HMCN1: variants seen among roughly 807,000 people sequenced by gnomAD.
HMCN1 encodes hemicentin-1.
A neutral mutation model predicts 625.9 loss-of-function variants in HMCN1; 321 were observed. The ratio of observed to expected loss-of-function variants is 0.51; its 90% CI spans 0.47 to 0.56. The LOEUF (loss-of-function observed/expected upper bound fraction) is 0.56. Ranked by LOEUF, HMCN1 falls within the 20% of genes least tolerant of loss-of-function variation. HMCN1 has a pLI of 0.00. For missense variants in HMCN1, 6,588 were observed against 6,887.3 expected, an observed-to-expected ratio of 0.96 and a Z score of 1.54; for synonymous variants, 2,425 against 2,417.6, an observed-to-expected ratio of 1.00 and a Z score of -0.09.
chr1:186,039,539 C>T (rs1335561554), intron 38 of HMCN1, among the ~76,000 whole-genome samples, 189 bp from the exon 39 acceptor site: 1 of 152,112 alleles, frequency 6.6e-6, no homozygotes, highest in African/African-American at 2.4e-5. Flanking sequence ...GAAATTGATA[C>T]TTGCTCTGTT....
At chr1:186,172,397 A>C (rs138754360) in intron 102 of HMCN1, among the ~76,000 whole-genome samples, 36 of 152,316 alleles carry the variant, frequency 2.4e-4, no homozygotes, top group African/African-American at 8.7e-4. Context: ...TAATATCCAC[A>C]AGCATTAATA....
chr1:186,058,952 G>T (rs998765407), intron 46 of HMCN1, among the ~76,000 whole-genome samples: 2 of 152,026 alleles, frequency 1.3e-5, no homozygotes, highest in East Asian at 3.9e-4. Context: ...CTATATTTAT[G>T]ACCTCAGACT....
In HMCN1 at chr1:186,166,884, C is replaced by T; in HGVS notation, c.15516C>T (p.Arg5172=). Residue 5172 remains arginine, a synonymous_variant, in exon 100 of 107, where the codon CGC becomes CGT. Transcript: ENST00000271588. The part of the protein sequence containing the change: ...QDCDNTIGSY[R]CVVRCGSGFR... ...GTGACAATACGATTGGATCTTATCG[C>T]TGTGTGGTCCGTTGTGGAAGTGGCT... 6.2e-7 allele frequency: 1 copy of T among 1,614,138 alleles called. No homozygotes were observed. The highest frequency in any genetic ancestry group is 1.3e-5 in the African/African-American group (1 of 75,028).
At chr1:186,139,512 TTTTTC>T (rs1293780422) in intron 89 of HMCN1, among the ~76,000 whole-genome samples, 2 of 152,230 alleles carry the variant, frequency 1.3e-5, no homozygotes, top group East Asian at 1.9e-4. Context: ...AAAAGCCAGT[TTTTTC>T]TTTTCATGTT....
intron 11 of HMCN1, among the ~76,000 whole-genome samples, chr1:185,943,234 T>G (rs1365752058): frequency 2.6e-5 from 4 of 152,138 alleles, no homozygotes; most frequent in Non-Finnish European, 5.9e-5. Flanking sequence ...TTGTGGGAAC[T>G]CTTGATTTAC....
chr1:185,912,396 A>G (rs10465495), intron 6 of HMCN1, among the ~76,000 whole-genome samples: 17,700 of 152,130 alleles, frequency 0.12, 3,507 homozygotes, highest in African/African-American at 0.4. Flanking sequence ...CGTGGTATTT[A>G]TATCCTAAAC....
At chr1:186,066,258 A>C (rs1321041401) in intron 49 of HMCN1, among the ~76,000 whole-genome samples, 2 of 152,166 alleles carry the variant, frequency 1.3e-5, no homozygotes, top group African/African-American at 4.8e-5. Context: ...ATTGACATAC[A>C]GTATCTGGTA....
At chr1:186,000,869 C>G (rs1159801195) in intron 26 of HMCN1, among the ~76,000 whole-genome samples, 1 of 151,754 alleles carries the variant, frequency 6.6e-6, no homozygotes, top group Non-Finnish European at 1.5e-5. Context: ...AATGAAAATA[C>G]TGTATATATG....
intron 30 of HMCN1, among the ~76,000 whole-genome samples, chr1:186,014,473 C>G (rs893882686): frequency 1.3e-5 from 2 of 151,782 alleles, no homozygotes; most frequent in Admixed American, 6.6e-5. Context: ...AAAATTGTTG[C>G]AATGATAGCA....
chr1:185,863,818 A>C (rs1663016203), intron 2 of HMCN1, among the ~76,000 whole-genome samples: 1 of 152,244 alleles, frequency 6.6e-6, no homozygotes, highest in Non-Finnish European at 1.5e-5. Context: ...AAAGAATGAC[A>C]AACAGAATGC....
intron 4 of HMCN1, 41 bp from the exon 5 acceptor site, chr1:185,909,296 T>A (rs755237540): frequency 6.6e-7 from 1 of 1,518,842 alleles, no homozygotes; most frequent in Non-Finnish European, 9.1e-7. Context: ...AAACTGCGAA[T>A]GTTTTCTGAT....
chr1:185,817,869 T>C (rs957396483), intron 1 of HMCN1, among the ~76,000 whole-genome samples: 1 of 152,116 alleles, frequency 6.6e-6, no homozygotes, highest in African/African-American at 2.4e-5. Context: ...TCTCAGAAGA[T>C]AGAAGGCAAT....
At chr1:185,774,529 T>G (rs1656465402) in intron 1 of HMCN1, among the ~76,000 whole-genome samples, 1 of 152,188 alleles carries the variant, frequency 6.6e-6, no homozygotes, top group Admixed American at 6.6e-5. Context: ...TAACTGCTTT[T>G]AGGCAATGGA....
chr1:186,178,860 T>G, intron 104 of HMCN1, 94 bp downstream of exon 104: 1 of 888,644 alleles, frequency 1.1e-6, no homozygotes, highest in Non-Finnish European at 1.9e-6. Flanking sequence ...TGCAGTGAAC[T>G]ACATCTGATC....
chr1:186,086,821 T>C (rs1659518574), intron 58 of HMCN1, among the ~76,000 whole-genome samples: 2 of 20,570 alleles, frequency 9.7e-5, no homozygotes, highest in Non-Finnish European at 2.1e-4. Context: ...AGATGATAGA[T>C]AGATAGATAG....
intron 50 of HMCN1, among the ~76,000 whole-genome samples, chr1:186,068,678 T>C (rs1658287230): frequency 6.6e-6 from 1 of 151,834 alleles, no homozygotes; most frequent in Admixed American, 6.6e-5. Flanking sequence ...CCATCCTGGC[T>C]AACACAGTGA....
intron 30 of HMCN1, among the ~76,000 whole-genome samples, chr1:186,012,024 A>T (rs765793982): frequency 5.9e-5 from 9 of 152,192 alleles, no homozygotes; most frequent in Non-Finnish European, 1.2e-4. Context: ...CAGTCAGGAT[A>T]TTCAGTTTGA....
chr1:185,947,114 C>A (rs1014840845), intron 11 of HMCN1, among the ~76,000 whole-genome samples: 5 of 152,078 alleles, frequency 3.3e-5, no homozygotes, highest in Admixed American at 3.3e-4. Flanking sequence ...ATAGATTTTG[C>A]GTAGTTCTTT....
At position 186,171,326 on chromosome 1, in the gene HMCN1, T is replaced by A; in HGVS notation, c.15575-11T>A. 1 of 1,597,448 alleles carries A rather than the reference T, an allele frequency of 6.3e-7. No individual in the cohort carries two copies. The highest frequency in any genetic ancestry group is 1.1e-5 in the South Asian group (1 of 90,734). On this transcript the variant is annotated splice_polypyrimidine_tract_variant and intron_variant, in intron 100 of 106. Coordinates refer to ENST00000271588, the MANE Select transcript of HMCN1 (RefSeq NM_031935.3). ...AATAGCATATAATGAAAGTTTTGTT[T>A]TATTTAACAGATATTAATGAATGTC...
Sources: gnomAD v4.1 joint callset for allele counts (sites outside exome capture counted in the v4.1 genomes callset) on GRCh38, gnomAD v4.1.1 for gene constraint, MANE v1.5 for transcripts, NCBI Gene and HGNC (gene_info 2026-07-23, HGNC 2026-07-21) for gene names.